The following UNC5D variants were observed in gnomAD, a reference collection of about 807,000 sequenced individuals.
The protein encoded by UNC5D is unc-5 netrin receptor D.
A neutral mutation model predicts 105.4 loss-of-function variants in UNC5D; 39 were observed. The ratio of observed to expected loss-of-function variants is 0.37; its 90% confidence interval spans 0.29 to 0.48. The LOEUF is 0.48. Among genes scored for constraint, UNC5D ranks in the 20% least tolerant of loss-of-function variants. The pLI, the probability that UNC5D is intolerant of heterozygous loss-of-function variation, is 0.98. For synonymous variants in UNC5D, 452 were observed against 450.4 expected, an observed-to-expected ratio of 1.00 and a Z score of -0.04; for missense variants, 991 against 1,202.4, an observed-to-expected ratio of 0.82 and a Z score of 2.60.
intron 1 of UNC5D, among the ~76,000 whole-genome samples, chr8:35,465,998 A>G (rs1467535948): frequency 1.3e-5 from 2 of 152,160 alleles, no homozygotes; most frequent in East Asian, 1.9e-4. Context: ...ATAGTATCCA[A>G]AAAGGAACAC....
In UNC5D at chr8:35,793,570, C is replaced by A. The variant is rs542575925; in HGVS notation, c.*3007C>A. 5 of 154,412 alleles carry A rather than the reference C, an allele frequency of 3.2e-5. No homozygotes were observed. Among genetic ancestry groups the A allele is most frequent in the African/African-American group, 9.6e-5 (4 of 41,456 alleles). The allele number at this position is 154,412 out of a possible 1,614,324, so 9.6% of individuals were successfully genotyped here. A position where few individuals can be genotyped will look rare whatever the true frequency, so the allele number is the denominator to read the frequency against. On this transcript the variant is annotated 3_prime_UTR_variant, in exon 17 of 17. Coordinates refer to ENST00000404895, the MANE Select transcript of UNC5D (RefSeq NM_080872.4). ...AAGGCATTTAAGTCCAATAGTCATG[C>A]TTTAAATATGGCTTTAAATTATGCC...
intron 1 of UNC5D, among the ~76,000 whole-genome samples, chr8:35,284,803 C>G (rs1445032668): frequency 1.3e-5 from 2 of 152,070 alleles, no homozygotes; most frequent in African/African-American, 2.4e-5. Context: ...ACCTCGTGAC[C>G]CGCCTGCCTC....
rs987137370 is a variant in UNC5D at position 35,696,295 on chromosome 8, T to G, written c.1084+9586T>G. ...TATCAATATTTAATTTTTTTTTTTT[T>G]TTTTTTTTTGCTGTCAGTTATGATT... On this transcript the variant is annotated intron_variant, in intron 7 of 16. Transcript: ENST00000404895. Among the ~76,000 whole-genome samples the G allele has an allele frequency of 1.5e-4, 23 of 149,990 alleles. 1 individual carries two copies. Among genetic ancestry groups the G allele is most frequent in the Admixed American group, 1.5e-3 (22 of 15,096 alleles).
intron 1 of UNC5D, among the ~76,000 whole-genome samples, chr8:35,433,392 C>T (rs1350407342): frequency 6.6e-6 from 1 of 152,038 alleles, no homozygotes; most frequent in Non-Finnish European, 1.5e-5. Context: ...TCTAAAATTT[C>T]CTTCTTGCTT....
chr8:35,498,113 C>T (rs369759740), intron 1 of UNC5D, among the ~76,000 whole-genome samples: 2 of 103,602 alleles, frequency 1.9e-5, no homozygotes, highest in African/African-American at 7.6e-5. Context: ...AAAAAAAAAG[C>T]GGGGGAGAGT....
At chr8:35,597,034 A>G (rs1225350685) in intron 4 of UNC5D, among the ~76,000 whole-genome samples, 2 of 152,234 alleles carry the variant, frequency 1.3e-5, no homozygotes, top group Non-Finnish European at 2.9e-5. Flanking sequence ...AAGCAGATAT[A>G]CAAAGAAAAA....
In UNC5D at chr8:35,684,582, T is replaced by C. The variant is rs2131343965; in HGVS notation, c.752T>C (p.Val251Ala). 6.2e-7 allele frequency: 1 copy of C among 1,608,354 alleles called. No individual in the cohort carries two copies. The highest frequency in any genetic ancestry group is 1.1e-5 in the South Asian group (1 of 90,010). The change falls in exon 6 of 17, where the codon GTG (valine) becomes GCG (alanine). Residue 251 changes from valine to alanine, a missense_variant and splice_region_variant. This residue lies in a region of UNC5D where 944 missense variants were observed against 1,131.6 expected (regional missense o/e 0.83). Coordinates refer to ENST00000404895, the MANE Select transcript of UNC5D (RefSeq NM_080872.4). The stretch of plus-strand genomic sequence containing the variant: ...TCCCCTCCCCATTTTTCTCTCTCAG[T>C]GAATGGAGGCTGGTCTTCCTGGACA... ...RSLSATVVVY[V>A]NGGWSSWTEW...
intron 1 of UNC5D, among the ~76,000 whole-genome samples, chr8:35,243,137 C>A (rs528715372): frequency 9.4e-4 from 143 of 152,204 alleles, no homozygotes; most frequent in African/African-American, 3.3e-3. Context: ...CAGATGACAC[C>A]ATCTGGGGGC....
chr8:35,354,456 C>G (rs932190794), intron 1 of UNC5D, among the ~76,000 whole-genome samples: 1 of 152,100 alleles, frequency 6.6e-6, no homozygotes, highest in Non-Finnish European at 1.5e-5. Context: ...GCAACTTGAG[C>G]TGTTTCATAT....
intron 13 of UNC5D, among the ~76,000 whole-genome samples, chr8:35,756,704 T>C (rs1479869396): frequency 7.2e-5 from 11 of 152,284 alleles, no homozygotes; most frequent in African/African-American, 2.6e-4. Flanking sequence ...AATAACTTTC[T>C]TCAGGGAACT....
chr8:35,495,565 T>A (rs1249142644), intron 1 of UNC5D, among the ~76,000 whole-genome samples: 1 of 151,906 alleles, frequency 6.6e-6, no homozygotes, highest in South Asian at 2.1e-4. Context: ...TTGTGGGTTG[T>A]ACAAGCTTGA....
intron 1 of UNC5D, among the ~76,000 whole-genome samples, chr8:35,358,435 G>A (rs1428261341): frequency 6.6e-6 from 1 of 152,150 alleles, no homozygotes; most frequent in Non-Finnish European, 1.5e-5. Flanking sequence ...AAAAGTGGGA[G>A]CTGAACAATG....
At chr8:35,382,929 C>T (rs1192901864) in intron 1 of UNC5D, among the ~76,000 whole-genome samples, 1 of 152,204 alleles carries the variant, frequency 6.6e-6, no homozygotes, top group African/African-American at 2.4e-5. Flanking sequence ...ACTTTTCACG[C>T]AAGTCCCAGG....
intron 1 of UNC5D, among the ~76,000 whole-genome samples, chr8:35,436,046 T>C (rs1806990801): frequency 1.3e-5 from 2 of 152,114 alleles, no homozygotes; most frequent in Non-Finnish European, 2.9e-5. Context: ...TACTTGGCAA[T>C]ATTTATGAAT....
intron 1 of UNC5D, among the ~76,000 whole-genome samples, chr8:35,428,346 A>ATT (rs35131097): frequency 0.32 from 29,776 of 92,588 alleles, 5,361 homozygotes; most frequent in African/African-American, 0.39. Flanking sequence ...ATGCCTGGCT[A>ATT]TTTTTTTTTT....
At chr8:35,561,407 C>T (rs1251458546) in intron 2 of UNC5D, among the ~76,000 whole-genome samples, 1 of 152,130 alleles carries the variant, frequency 6.6e-6, no homozygotes, top group Non-Finnish European at 1.5e-5. Context: ...CCATGCTTCC[C>T]CATCTGGCTC....
chr8:35,772,192 C>G (rs1802039643), intron 15 of UNC5D, among the ~76,000 whole-genome samples: 1 of 152,076 alleles, frequency 6.6e-6, no homozygotes, highest in Non-Finnish European at 1.5e-5. Flanking sequence ...CAGCATTTCT[C>G]ACATGTGCGT....
In UNC5D at chr8:35,741,090, G is replaced by T. The variant is rs545286450; in HGVS notation, c.1767-7437G>T. Among the ~76,000 whole-genome samples, 6 of 152,184 alleles carry T rather than the reference G, an allele frequency of 3.9e-5. No homozygotes were observed. The East Asian group carries it at 1.2e-3, about 29-fold the overall frequency. On this transcript the variant is annotated intron_variant, in intron 11 of 16. Coordinates refer to ENST00000404895, the MANE Select transcript of UNC5D (RefSeq NM_080872.4). ...TCACTATCTCACTTCTTCTAAAAAGGCAAGCTAAATGCAAGCCTGACACTG... is the reference window on the plus strand; with the variant it reads ...TCACTATCTCACTTCTTCTAAAAAGTCAAGCTAAATGCAAGCCTGACACTG...
intron 1 of UNC5D, among the ~76,000 whole-genome samples, chr8:35,440,722 G>A (rs190789001): frequency 2.6e-5 from 4 of 152,062 alleles, no homozygotes; most frequent in Admixed American, 2.6e-4. Flanking sequence ...CTGTGCAAAT[G>A]TGAGTGGCTG....
Sources: gnomAD v4.1 joint callset for allele counts (sites outside exome capture counted in the v4.1 genomes callset) on GRCh38, gnomAD v4.1.1 for gene constraint, gnomAD v4.1.1 regional missense constraint, MANE v1.5 for transcripts, NCBI Gene and HGNC (gene_info 2026-07-23, HGNC 2026-07-21) for gene names.